TMEM178B: variants seen among roughly 807,000 people sequenced by gnomAD.
TMEM178B encodes transmembrane protein 178B.
TMEM178B carries 5 observed loss-of-function variants against 31.0 expected under a neutral mutation model. The ratio of observed to expected loss-of-function variants is 0.16; its 90% CI spans 0.08 to 0.34. TMEM178B has a LOEUF of 0.34. TMEM178B is among the 10% of genes least tolerant of loss of function. The probability of loss-of-function intolerance (pLI) is 1.00; values close to 1 mark genes in which losing one functional copy is unlikely to be tolerated. For missense variants in TMEM178B, 275 were observed against 400.3 expected, an observed-to-expected ratio of 0.69 and a Z score of 2.67; for synonymous variants, 164 against 164.0, an observed-to-expected ratio of 1.00 and a Z score of 0.00.
At chr7:141,178,810 T>C (rs1245138648) in intron 1 of TMEM178B, among the ~76,000 whole-genome samples, 3 of 152,144 alleles carry the variant, frequency 2.0e-5, no homozygotes, top group Non-Finnish European at 4.4e-5. Flanking sequence ...TTAGCAGTAG[T>C]TCTTTCTGGT....
chr7:141,407,320 A>G (rs1800901615), intron 2 of TMEM178B, among the ~76,000 whole-genome samples: 3 of 152,230 alleles, frequency 2.0e-5, no homozygotes, highest in Admixed American at 2.0e-4. Flanking sequence ...ACCAAAACAA[A>G]ATAATTTGTA....
the TMEM178B span, among the ~76,000 whole-genome samples, chr7:141,510,685 C>CAAAAAA: frequency 4.1e-3 from 103 of 24,958 alleles, 22 homozygotes; most frequent in African/African-American, 5.0e-3. Flanking sequence ...AACTCCGTCT[C>CAAAAAA]AAAAAAAAAA....
chr7:141,154,469 T>C (rs896077506), intron 1 of TMEM178B, among the ~76,000 whole-genome samples: 2 of 152,212 alleles, frequency 1.3e-5, no homozygotes, highest in Non-Finnish European at 1.5e-5. Context: ...TTGGTATGGA[T>C]GGGAAAACTT....
At chr7:141,262,345 T>C (rs1431654203) in intron 2 of TMEM178B, among the ~76,000 whole-genome samples, 2 of 151,956 alleles carry the variant, frequency 1.3e-5, no homozygotes, top group Non-Finnish European at 2.9e-5. Context: ...ACACAGATAT[T>C]TGGGCCGAGA....
intron 1 of TMEM178B, among the ~76,000 whole-genome samples, chr7:141,195,687 C>T (rs1484490599): frequency 6.6e-6 from 1 of 152,144 alleles, no homozygotes; most frequent in Non-Finnish European, 1.5e-5. Flanking sequence ...TCAGCAACAC[C>T]CCACTCTACT....
At chr7:141,169,396 T>C (rs183639474) in intron 1 of TMEM178B, among the ~76,000 whole-genome samples, 19 of 152,396 alleles carry the variant, frequency 1.2e-4, no homozygotes, top group Non-Finnish European at 2.5e-4. Flanking sequence ...TATGGCTGCA[T>C]AGTATTCCAT....
In TMEM178B at chr7:141,479,484, G is replaced by A. The variant is rs1586988685; in HGVS notation, c.*8698G>A. The A allele has an allele frequency of 6.6e-6, 1 of 152,124 alleles. No individual in the cohort carries two copies. Among genetic ancestry groups the A allele is most frequent in the East Asian group, 1.9e-4 (1 of 5,192 alleles). The allele number at this position is 152,124 out of a possible 1,614,324, so 9.4% of individuals were successfully genotyped here. A position where few individuals can be genotyped will look rare whatever the true frequency, so the allele number is the denominator to read the frequency against. On this transcript the variant is annotated 3_prime_UTR_variant, in exon 4 of 4. Coordinates refer to ENST00000565468, the MANE Select transcript of TMEM178B (RefSeq NM_001195278.2). ...CTTCCCTGCCTGGAGACCTTCCTTA[G>A]GATTGAAGAAACCTCTTTTGTTTGT...
At chr7:141,189,340 C>A (rs1440641892) in intron 1 of TMEM178B, among the ~76,000 whole-genome samples, 1 of 152,238 alleles carries the variant, frequency 6.6e-6, no homozygotes, top group Non-Finnish European at 1.5e-5. Flanking sequence ...CCTTCCAGGG[C>A]ACTCTGGTGT....
chr7:141,323,287 CT>C (rs1288608200), intron 2 of TMEM178B, among the ~76,000 whole-genome samples: 14 of 152,308 alleles, frequency 9.2e-5, no homozygotes, highest in Admixed American at 2.0e-4. Flanking sequence ...TTGCCTCTCT[CT>C]TTTTCTCTTC....
chr7:141,113,379 AC>A (rs1281009760), intron 1 of TMEM178B, among the ~76,000 whole-genome samples: 1 of 152,190 alleles, frequency 6.6e-6, no homozygotes. Context: ...CACAGCTTGC[AC>A]ACCATCAGAC....
chr7:141,204,167 G>A (rs534729256), intron 1 of TMEM178B, among the ~76,000 whole-genome samples: 2 of 152,354 alleles, frequency 1.3e-5, no homozygotes, highest in African/African-American at 2.4e-5. Flanking sequence ...GAGGGAAGCA[G>A]GTGGGCAGGA....
intron 2 of TMEM178B, among the ~76,000 whole-genome samples, chr7:141,239,055 G>A (rs187166854): frequency 1.3e-5 from 2 of 152,244 alleles, no homozygotes; most frequent in African/African-American, 4.8e-5. Context: ...GTAGGAGCTA[G>A]GTTTTTTTTG....
At chr7:141,113,759 C>T (rs1029374222) in intron 1 of TMEM178B, among the ~76,000 whole-genome samples, 3 of 152,136 alleles carry the variant, frequency 2.0e-5, no homozygotes, top group East Asian at 1.9e-4. Context: ...AGCAGCAAGC[C>T]GTGTATCACA....
chr7:141,184,837 T>C lies in TMEM178B; in HGVS notation c.383-27754T>C, dbSNP rs1481292695. Reference sequence around the variant, plus strand: ...AATATTTTCCTGGCCGACTCATTGATCCTTGGTACAAATAAACTTCTGGAA... The same window carrying C: ...AATATTTTCCTGGCCGACTCATTGACCCTTGGTACAAATAAACTTCTGGAA... On this transcript the variant is annotated intron_variant, in intron 1 of 3. Transcript: ENST00000565468. 2.6e-5 allele frequency among the ~76,000 whole-genome samples: 4 copies of C among 152,306 alleles called. No individual in the cohort carries two copies. In the South Asian group the frequency reaches 6.2e-4, roughly 24 times the overall value.
intron 1 of TMEM178B, among the ~76,000 whole-genome samples, chr7:141,127,713 GT>G (rs144583705): frequency 1.3e-5 from 2 of 152,190 alleles, no homozygotes; most frequent in African/African-American, 4.8e-5. Context: ...GTTTGTGGAA[GT>G]TTTTTATGGC....
At chr7:141,356,380 GT>G (rs111845779) in intron 2 of TMEM178B, among the ~76,000 whole-genome samples, 7 of 147,460 alleles carry the variant, frequency 4.7e-5, no homozygotes, top group Admixed American at 6.8e-5. Flanking sequence ...ACTGACATCT[GT>G]TTTTTTTTTG....
intron 2 of TMEM178B, among the ~76,000 whole-genome samples, chr7:141,280,945 T>C (rs1798348357): frequency 6.6e-6 from 1 of 152,218 alleles, no homozygotes; most frequent in Admixed American, 6.5e-5. Context: ...ACGAATGGTT[T>C]AATGTACAAA....
At chr7:141,294,594 T>C (rs1798600106) in intron 2 of TMEM178B, among the ~76,000 whole-genome samples, 2 of 152,144 alleles carry the variant, frequency 1.3e-5, no homozygotes, top group Admixed American at 1.3e-4. Context: ...ACTTTATACA[T>C]GGGGAAAACA....
intron 1 of TMEM178B, among the ~76,000 whole-genome samples, chr7:141,197,401 G>T (rs1796801034): frequency 6.6e-6 from 1 of 152,180 alleles, no homozygotes; most frequent in Non-Finnish European, 1.5e-5. Flanking sequence ...GACACAGGAG[G>T]AAAAGAGTGA....
Sources: gnomAD v4.1 joint callset for allele counts (sites outside exome capture counted in the v4.1 genomes callset) on GRCh38, gnomAD v4.1.1 for gene constraint, MANE v1.5 for transcripts, NCBI Gene and HGNC (gene_info 2026-07-23, HGNC 2026-07-21) for gene names.